The following RYR1 variants were observed in gnomAD, a reference collection of about 807,000 sequenced individuals.
The protein encoded by RYR1 is ryanodine receptor 1.
Under a neutral mutation model 583.5 loss-of-function variants are expected in RYR1, and 342 were observed. The ratio of observed to expected loss-of-function variants is 0.59; its 90% CI spans 0.54 to 0.64. RYR1 has a LOEUF of 0.64. Among genes scored for constraint, RYR1 ranks in the 30% least tolerant of loss-of-function variants. The pLI is 0.00. For synonymous variants in RYR1, 2,791 were observed against 2,822.5 expected (o/e 0.99, Z 0.35); for missense variants, 6,032 against 6,917.2 (o/e 0.87, Z 4.54).
At chr19:38,445,222 CAAAA>C (rs61419525) in intron 7 of RYR1, among the ~76,000 whole-genome samples, 3,494 of 47,938 alleles carry the variant, frequency 0.073, 44 homozygotes, top group Middle Eastern at 0.28. Flanking sequence ...GACTCTGCCT[CAAAA>C]AAAAAAAAAA....
rs2304152 is a variant in RYR1 at position 38,523,175 on chromosome 19, T to G, written c.10348-42T>G. 264 of 1,613,486 alleles carry G rather than the reference T, an allele frequency of 1.6e-4. 1 individual carries two copies. In the East Asian group the frequency reaches 5.9e-3, roughly 36 times the overall value. ...AGAGGAGCCGCAGCCCACAGGCGCC[T>G]GCCTTCACCTGTCCGGTCTGCAACA... On this transcript the variant is annotated intron_variant, in intron 68 of 105. Coordinates refer to ENST00000359596, the MANE Select transcript of RYR1 (RefSeq NM_000540.3).
chr19:38,473,405 C>A lies in RYR1; in HGVS notation c.3794C>A (p.Thr1265Lys). 6.2e-7 allele frequency: 1 copy of A among 1,613,846 alleles called. No homozygotes were observed. The change falls in exon 28 of 106, where the codon ACG becomes AAG. Residue 1265 changes from threonine to lysine, a missense_variant. Coordinates refer to ENST00000359596, the MANE Select transcript of RYR1 (RefSeq NM_000540.3). ...TCCCGAGTGGACGGCACTGTGGACA[C>A]GCCCCCCTGCCTGCGCCTGACCCAC... ...EVSRVDGTVD[T>K]PPCLRLTHRT... is the part of the protein sequence containing the mutation.
At chr19:38,455,978 T>G (rs535692005) in intron 16 of RYR1, among the ~76,000 whole-genome samples, 4 of 147,736 alleles carry the variant, frequency 2.7e-5, no homozygotes, top group African/African-American at 1.0e-4. Flanking sequence ...TTTTTTTTTT[T>G]TTTTTTTTTT....
chr19:38,507,618 G>A, intron 57 of RYR1, 94 bp from the exon 58 acceptor site: 1 of 836,332 alleles, frequency 1.2e-6, no homozygotes, highest in Non-Finnish European at 2.1e-6. Flanking sequence ...AGCTGATAGA[G>A]ACGGGGCCAG....
chr19:38,511,280 A>AGC (rs1970713313), intron 60 of RYR1, among the ~76,000 whole-genome samples: 4 of 152,090 alleles, frequency 2.6e-5, no homozygotes, highest in Non-Finnish European at 4.4e-5. Context: ...TGGGTGACAG[A>AGC]GCAAGACCCT....
chr19:38,548,180 G>T, intron 88 of RYR1, 53 bp from the exon 89 acceptor site: 2 of 1,606,598 alleles, frequency 1.2e-6, no homozygotes, highest in Non-Finnish European at 1.7e-6. Flanking sequence ...CAAGCCTGGT[G>T]GGGCCCCAGA....
At chr19:38,461,248 C>G (rs2145422041) in intron 20 of RYR1, among the ~76,000 whole-genome samples, 1 of 152,200 alleles carries the variant, frequency 6.6e-6, no homozygotes, top group Non-Finnish European at 1.5e-5. Flanking sequence ...GTATGGGTAA[C>G]ATAGTGATAC....
Position 38,570,624 on chromosome 19 carries a change from C to T in RYR1, c.13677C>T (p.Asn4559=). Residue 4559 remains asparagine (N), a synonymous_variant, in exon 94 of 106, where the codon AAC becomes AAT. Transcript: ENST00000359596. ...RVKFLNYLSR[N]FYTLRFLALF... ...TCTCTCAGAACTACCTGTCCCGGAA[C>T]TTTTACACCCTGCGGTTCCTTGCCC... 6.2e-7 allele frequency: 1 copy of T among 1,614,022 alleles called. No individual in the cohort carries two copies. Among genetic ancestry groups the T allele is most frequent in the South Asian group, 1.1e-5 (1 of 91,078 alleles).
chr19:38,523,759 C>T (rs556889489), intron 69 of RYR1, among the ~76,000 whole-genome samples, 156 bp from the exon 70 acceptor site: 2 of 152,072 alleles, frequency 1.3e-5, no homozygotes, highest in East Asian at 3.9e-4. Flanking sequence ...AGAGAACGAC[C>T]CCCCACCCCG....
intron 1 of RYR1, 61 bp downstream of exon 1, chr19:38,433,935 C>T: frequency 6.9e-7 from 1 of 1,449,176 alleles, no homozygotes; most frequent in Non-Finnish European, 9.7e-7. Flanking sequence ...GAGGGTCTCT[C>T]TGTCTCTGAA....
At chr19:38,585,258 A>T (rs1974422351) in intron 102 of RYR1, among the ~76,000 whole-genome samples, 159 bp downstream of exon 102, 1 of 151,594 alleles carries the variant, frequency 6.6e-6, no homozygotes, top group Non-Finnish European at 1.5e-5. Context: ...CCGTTTCTCC[A>T]TCTGCAAAAC....
chr19:38,502,725 C>T lies in RYR1; in HGVS notation c.7833C>T (p.Cys2611=), dbSNP rs1198672628. The T allele has an allele frequency of 2.1e-6, 3 of 1,396,256 alleles. No homozygotes were observed. Among genetic ancestry groups the T allele is most frequent in the Non-Finnish European group, 2.9e-6 (3 of 1,047,454 alleles). 86.5% of individuals were successfully genotyped at this position (1,396,256 alleles called of 1,614,324 possible). Residue 2611 remains cysteine (C), a splice_region_variant and synonymous_variant, in exon 48 of 106, where the codon TGC becomes TGT. Coordinates refer to ENST00000359596, the MANE Select transcript of RYR1 (RefSeq NM_000540.3). ...DVIEDCLMSL[C]RYIRPSMLQH... ...TCGAGGACTGCCTCATGTCGCTCTG[C>T]AGGTGGAGCGGGGCAGGCTTCAGGG...
rs570903575 is a variant in RYR1 at position 38,454,105 on chromosome 19, T to G, written c.1440+1091T>G. Among the ~76,000 whole-genome samples, 53 of 152,288 alleles carry G rather than the reference T, an allele frequency of 3.5e-4. 1 individual carries two copies. Among genetic ancestry groups the G allele is most frequent in the African/African-American group, 1.1e-3 (47 of 41,548 alleles). On this transcript the variant is annotated intron_variant, in intron 13 of 105. Coordinates refer to ENST00000359596, the MANE Select transcript of RYR1 (RefSeq NM_000540.3). ...AGGCTGGAGTGCAGTGGTGTGATCT[T>G]GGCTCACTGCAACCTCCACCTCCCA...
At chr19:38,473,194 C>T (rs962381443) in intron 27 of RYR1, among the ~76,000 whole-genome samples, 183 bp from the exon 28 acceptor site, 2 of 152,028 alleles carry the variant, frequency 1.3e-5, no homozygotes, top group African/African-American at 2.4e-5. Flanking sequence ...CTGCAAGCAC[C>T]CCAGGGCCCA....
rs1973351890 is a variant in RYR1, at chr19:38,565,304, A to G, written c.12970A>G (p.Thr4324Ala). The change falls in exon 91 of 106, where the codon ACG (threonine) becomes GCG (alanine). Residue 4324 changes from threonine (T) to alanine (A), a missense_variant. Thr to Ala is a moderately conservative substitution (Grantham distance 58). Coordinates refer to ENST00000359596, the MANE Select transcript of RYR1 (RefSeq NM_000540.3). This position sits in a 1 kb window ranked among gnomAD's most constrained non-coding sequence, Gnocchi z 4.7. ...GCGCGTGCGGCGGCTGCGGCGGCTT[A>G]CGGCCCGCGAGGCGGCCACCGCAGT... ...RRRVRRLRRL[T>A]AREAATAVAA... 1 of 1,097,046 alleles carries G rather than the reference A, an allele frequency of 9.1e-7. No homozygotes were observed. Among genetic ancestry groups the G allele is most frequent in the Admixed American group, 5.2e-5 (1 of 19,270 alleles). The allele number at this position is 1,097,046 out of a possible 1,614,324, so 68.0% of individuals were successfully genotyped here. A position where few individuals can be genotyped will look rare whatever the true frequency, so the allele number is the denominator to read the frequency against.
chr19:38,451,339 C>T (rs935244453), intron 11 of RYR1, among the ~76,000 whole-genome samples: 7 of 151,028 alleles, frequency 4.6e-5, no homozygotes, highest in Non-Finnish European at 1.0e-4. Flanking sequence ...GGTCTCACCT[C>T]GTGGAAAGGT....
At chr19:38,477,986 G>C (rs529470866) in intron 30 of RYR1, 116 bp downstream of exon 30, 4 of 1,084,798 alleles carry the variant, frequency 3.7e-6, no homozygotes, top group Non-Finnish European at 5.4e-6. Context: ...TTTCTGGAGC[G>C]GGAGGATTCT....
At chr19:38,572,301 G>A in intron 95 of RYR1, 31 bp downstream of exon 95, 1 of 1,490,566 alleles carries the variant, frequency 6.7e-7, no homozygotes, top group Non-Finnish European at 9.1e-7. Context: ...CTGGGGCAAG[G>A]GCTTATTGGC....
chr19:38,448,492 TCTG>T lies in RYR1; in HGVS notation c.941_943del (p.Cys314del). 3 of 1,614,024 alleles carry T rather than the reference TCTG, an allele frequency of 1.9e-6. No homozygotes were observed. On this transcript the variant is annotated inframe_deletion, in exon 10 of 106. Transcript: ENST00000359596. ...AAGGCTCACACCAAGGCTACCTCCT[TCTG>T]CTTCCGCATCTCCAAGGTCAGTGGG...
Sources: allele counts gnomAD v4.1 joint callset (sites outside exome capture counted in the v4.1 genomes callset), GRCh38; gene constraint gnomAD v4.1.1; non-coding constraint Gnocchi (gnomAD v3.1); transcripts MANE v1.5; gene names NCBI Gene and HGNC (gene_info 2026-07-23, HGNC 2026-07-21).